Variants in PHF21A observed in about 807,000 individuals in gnomAD.
The protein encoded by PHF21A is BHC80a.
PHF21A carries 11 observed loss-of-function variants against 82.5 expected under a neutral mutation model. The ratio of observed to expected loss-of-function variants is 0.13; its 90% CI spans 0.08 to 0.22. PHF21A has a LOEUF of 0.22. Ranked by LOEUF, PHF21A falls within the 10% of genes least tolerant of loss-of-function variation. PHF21A has a pLI of 1.00. For missense variants in PHF21A, 579 were observed against 837.8 expected (o/e 0.69, Z 3.81); for synonymous variants, 297 against 302.8 (o/e 0.98, Z 0.20).
intron 1 of PHF21A, among the ~76,000 whole-genome samples, chr11:46,114,581 A>G (rs561104456): frequency 9.2e-4 from 140 of 152,256 alleles, no homozygotes; most frequent in African/African-American, 3.2e-3. Flanking sequence ...TACTGTCCAT[A>G]AGGCCAGAGA....
rs566860788 is a variant in PHF21A, at chr11:46,072,309, G to A, written c.153+4445C>T. ...CCACATGACTAAGTTCAGGCCCATGGGATCTAACTGGAAGTGGTGCATGCA... is the reference window on the plus strand; with the variant it reads ...CCACATGACTAAGTTCAGGCCCATGAGATCTAACTGGAAGTGGTGCATGCA... On this transcript the variant is annotated intron_variant, in intron 6 of 18. Coordinates refer to ENST00000676320, the MANE Select transcript of PHF21A (RefSeq NM_001352027.3). Among the ~76,000 whole-genome samples, 3 of 152,302 alleles carry A rather than the reference G, an allele frequency of 2.0e-5. No homozygotes were observed. The South Asian group carries it at 6.2e-4, about 32-fold the overall frequency.
At chr11:46,066,766 C>A (rs1331715486) in intron 6 of PHF21A, among the ~76,000 whole-genome samples, 1 of 152,062 alleles carries the variant, frequency 6.6e-6, no homozygotes, top group Non-Finnish European at 1.5e-5. Flanking sequence ...TAAAGTTAAA[C>A]GTGCTAGCTC....
Position 46,081,729 on chromosome 11 carries a change from C to G in PHF21A, c.54+2437G>C, listed in dbSNP as rs12274397. 4.9e-3 allele frequency among the ~76,000 whole-genome samples: 746 copies of G among 152,306 alleles called. 7 individuals carry two copies. The highest frequency in any genetic ancestry group is 0.017 in the African/African-American group (706 of 41,554). ...ATATTTCTTGAGGATATACTTCATG[C>G]CAAAGGTAAGCAAAACAACCCATAG... On this transcript the variant is annotated intron_variant, in intron 4 of 18. Coordinates refer to ENST00000676320, the MANE Select transcript of PHF21A (RefSeq NM_001352027.3).
chr11:46,072,722 A>C (rs553728497), intron 6 of PHF21A, among the ~76,000 whole-genome samples: 2 of 152,194 alleles, frequency 1.3e-5, no homozygotes, highest in African/African-American at 2.4e-5. Context: ...CCTCTGAGGA[A>C]GTGACATTTA....
chr11:45,984,575 C>A (rs1181665524), intron 6 of PHF21A, among the ~76,000 whole-genome samples: 1 of 152,206 alleles, frequency 6.6e-6, no homozygotes, highest in East Asian at 1.9e-4. Context: ...TCTAATACAA[C>A]AGAAAATCAG....
intron 6 of PHF21A, among the ~76,000 whole-genome samples, chr11:45,982,331 G>A (rs2094333758): frequency 6.6e-6 from 1 of 151,928 alleles, no homozygotes; most frequent in African/African-American, 2.4e-5. Flanking sequence ...GGCCAATTTT[G>A]GGGGGAAAAA....
intron 7 of PHF21A, among the ~76,000 whole-genome samples, chr11:45,974,706 G>T (rs973628124): frequency 1.3e-5 from 2 of 151,884 alleles, no homozygotes; most frequent in African/African-American, 4.8e-5. Context: ...TCCCACATCG[G>T]CCTCCCAAAG....
intron 4 of PHF21A, among the ~76,000 whole-genome samples, chr11:46,080,471 A>G (rs2096777317): frequency 1.3e-5 from 2 of 151,896 alleles, no homozygotes; most frequent in African/African-American, 4.8e-5. Flanking sequence ...TAAAAAGAAG[A>G]AAAAAAATTT....
intron 9 of PHF21A, 75 bp from the exon 10 acceptor site, chr11:45,965,683 C>A: frequency 8.9e-7 from 1 of 1,126,496 alleles, no homozygotes; most frequent in Non-Finnish European, 1.3e-6. Context: ...CTTCCACACT[C>A]TATGTATGAA....
chr11:45,979,910 G>A lies in PHF21A; in HGVS notation c.210C>T (p.Asp70=). 6.2e-7 allele frequency: 1 copy of A among 1,614,174 alleles called. No homozygotes were observed. Among genetic ancestry groups the A allele is most frequent in the Non-Finnish European group, 8.5e-7 (1 of 1,180,034 alleles). ...GTGGCAATGGCTGTATTTGGAACTT[G>A]TCCGGTTGTTCTTGCTTTACTATCA... ...KNLIVKQEQP[D]KFQIQPLPQS... Residue 70 remains aspartate (D), a synonymous_variant, in exon 7 of 19, where the codon GAC becomes GAT. Coordinates refer to ENST00000676320, the MANE Select transcript of PHF21A (RefSeq NM_001352027.3).
chr11:46,099,352 T>C (rs986086798), intron 1 of PHF21A, among the ~76,000 whole-genome samples: 2 of 152,028 alleles, frequency 1.3e-5, no homozygotes, highest in South Asian at 2.1e-4. Flanking sequence ...ATAATCAGAG[T>C]ACTTCCAGAT....
intron 1 of PHF21A, among the ~76,000 whole-genome samples, chr11:46,105,883 G>A (rs1410702285): frequency 6.6e-6 from 1 of 152,162 alleles, no homozygotes; most frequent in Non-Finnish European, 1.5e-5. Context: ...CAAAAAACAT[G>A]ACTATTGCAG....
intron 1 of PHF21A, among the ~76,000 whole-genome samples, chr11:46,096,699 T>A (rs1419256306): frequency 6.6e-6 from 1 of 152,146 alleles, no homozygotes. Context: ...CAGGACTCAG[T>A]TCTTGGAACT....
At chr11:45,949,022 AG>A in intron 13 of PHF21A, 76 bp from the exon 14 acceptor site, 1 of 1,134,784 alleles carries the variant, frequency 8.8e-7, no homozygotes, top group Non-Finnish European at 1.3e-6. Context: ...CTAAAGACCA[AG>A]CATGGCATGA....
At chr11:45,981,502 G>A (rs1310506712) in intron 6 of PHF21A, among the ~76,000 whole-genome samples, 1 of 151,150 alleles carries the variant, frequency 6.6e-6, no homozygotes, top group Admixed American at 6.6e-5. Flanking sequence ...GGCTCATAAA[G>A]CATATAATAA....
chr11:46,049,031 C>T (rs2096302264), intron 6 of PHF21A, among the ~76,000 whole-genome samples: 7 of 152,176 alleles, frequency 4.6e-5, no homozygotes, highest in Admixed American at 4.6e-4. Flanking sequence ...GCTAAACTAG[C>T]TCTGCAGAAT....
chr11:46,048,442 A>G (rs2096289861), intron 6 of PHF21A, among the ~76,000 whole-genome samples: 1 of 152,146 alleles, frequency 6.6e-6, no homozygotes, highest in African/African-American at 2.4e-5. Flanking sequence ...CTTTTTAGGT[A>G]CCATGAATAA....
chr11:45,969,623 C>T (rs1361208227), intron 9 of PHF21A, among the ~76,000 whole-genome samples, 192 bp downstream of exon 9: 1 of 152,212 alleles, frequency 6.6e-6, no homozygotes, highest in Non-Finnish European at 1.5e-5. Flanking sequence ...CCTGCTACTG[C>T]CTTTGGTCAT....
intron 11 of PHF21A, among the ~76,000 whole-genome samples, chr11:45,951,260 G>C: frequency 6.6e-6 from 1 of 152,142 alleles, no homozygotes; most frequent in East Asian, 1.9e-4. Flanking sequence ...CTCCTGTAGA[G>C]TTATTTATAC....
Sources: allele counts gnomAD v4.1 joint callset (sites outside exome capture counted in the v4.1 genomes callset), GRCh38; gene constraint gnomAD v4.1.1; transcripts MANE v1.5; gene names NCBI Gene and HGNC (gene_info 2026-07-23, HGNC 2026-07-21).